Variants in ROBO2 observed in about 807,000 individuals in gnomAD.
ROBO2 encodes the protein roundabout guidance receptor 2.
In ROBO2, 53 loss-of-function variants were observed where a neutral mutation model predicts 160.8. The ratio of observed to expected loss-of-function variants is 0.33; its 90% CI spans 0.26 to 0.41. ROBO2 has a LOEUF of 0.41. Among genes scored for constraint, ROBO2 ranks in the 10% least tolerant of loss-of-function variants. ROBO2 has a pLI of 1.00. For synonymous variants in ROBO2, 664 were observed against 611.7 expected (o/e 1.09, Z -1.26); for missense variants, 1,577 against 1,722.4 (o/e 0.92, Z 1.49).
intron 2 of ROBO2, among the ~76,000 whole-genome samples, chr3:76,950,153 T>C (rs2078871155): frequency 6.6e-6 from 1 of 152,156 alleles, no homozygotes; most frequent in African/African-American, 2.4e-5. Flanking sequence ...TGATAGGTGG[T>C]CTCTTTAAAA....
chr3:76,387,601 C>T (rs2076954706), intron 2 of ROBO2, among the ~76,000 whole-genome samples: 1 of 152,054 alleles, frequency 6.6e-6, no homozygotes, highest in South Asian at 2.1e-4. Flanking sequence ...ATGAATTTTT[C>T]AAGTCTGCAA....
intron 2 of ROBO2, among the ~76,000 whole-genome samples, chr3:77,130,074 A>G: frequency 6.6e-6 from 1 of 152,040 alleles, no homozygotes; most frequent in East Asian, 1.9e-4. Flanking sequence ...TATCTTTCCA[A>G]TTTGCTTCAA....
intron 2 of ROBO2, among the ~76,000 whole-genome samples, chr3:76,984,825 T>A (rs1271946495): frequency 6.6e-6 from 1 of 151,940 alleles, no homozygotes; most frequent in Non-Finnish European, 1.5e-5. Context: ...TTTATACCAC[T>A]ATAATGCATT....
intron 2 of ROBO2, among the ~76,000 whole-genome samples, chr3:76,539,033 C>A (rs58277190): frequency 6.6e-6 from 1 of 152,056 alleles, no homozygotes; most frequent in Non-Finnish European, 1.5e-5. Context: ...AATGAGTTCA[C>A]GTCCTTTGCA....
At chr3:76,345,491 C>T (rs1356426088) in intron 2 of ROBO2, among the ~76,000 whole-genome samples, 4 of 140,818 alleles carry the variant, frequency 2.8e-5, no homozygotes, top group African/African-American at 7.9e-5. Context: ...AACAAGAAAA[C>T]TATTATTCCT....
intron 2 of ROBO2, among the ~76,000 whole-genome samples, chr3:77,173,687 T>C (rs2079856739): frequency 6.6e-6 from 1 of 152,160 alleles, no homozygotes; most frequent in Non-Finnish European, 1.5e-5. Flanking sequence ...ATTATTCATA[T>C]TTTAAAATTC....
At position 76,879,625 on chromosome 3, in the gene ROBO2, A is replaced by G. The variant is rs113747969; in HGVS notation, c.110-218389A>G. On this transcript the variant is annotated intron_variant, in intron 2 of 26. Coordinates refer to the ROBO2 transcript ENST00000487694. ...CAGAAGATCAAAGCAAACAAACACA[A>G]TCAAGAAGCTAGGGATACAGTAATA... Among the ~76,000 whole-genome samples, 832 of 152,246 alleles carry G rather than the reference A, an allele frequency of 5.5e-3. 6 individuals carry two copies. The highest frequency in any genetic ancestry group is 0.019 in the African/African-American group (803 of 41,556).
intron 2 of ROBO2, among the ~76,000 whole-genome samples, chr3:77,122,883 T>A (rs930746012): frequency 2.0e-5 from 3 of 152,296 alleles, no homozygotes; most frequent in South Asian, 2.1e-4. Flanking sequence ...ACTAATGGTG[T>A]TTGAGTCAAC....
In ROBO2 at chr3:77,586,329, G is replaced by C. The variant is rs545577087; in HGVS notation, c.2501-2422G>C. ...ATAGTTATTGCTTCTCTAATCATTT[G>C]GCTTTTCACGCTTACATTACATAGT... On this transcript the variant is annotated intron_variant, in intron 16 of 25. Coordinates refer to ENST00000461745, the Ensembl canonical transcript of ROBO2. 5.9e-5 allele frequency among the ~76,000 whole-genome samples: 9 copies of C among 152,096 alleles called. 1 individual carries two copies. The South Asian group carries it at 1.9e-3, about 31-fold the overall frequency.
At chr3:77,083,948 A>G (rs2068971827) in intron 1 of ROBO2, among the ~76,000 whole-genome samples, 1 of 152,028 alleles carries the variant, frequency 6.6e-6, no homozygotes, top group South Asian at 2.1e-4. Flanking sequence ...TGTCATAGAG[A>G]TAATACCTGA....
At chr3:76,759,383 G>A (rs887437437) in intron 2 of ROBO2, among the ~76,000 whole-genome samples, 3 of 151,730 alleles carry the variant, frequency 2.0e-5, no homozygotes, top group Non-Finnish European at 4.4e-5. Flanking sequence ...AACAATTTCA[G>A]TGTGTTCTTC....
intron 2 of ROBO2, among the ~76,000 whole-genome samples, chr3:76,245,728 A>C (rs1432390479): frequency 6.6e-6 from 1 of 152,118 alleles, no homozygotes; most frequent in Non-Finnish European, 1.5e-5. Context: ...ATCTATAATA[A>C]ATTTTCTGAA....
chr3:77,225,501 C>T lies in ROBO2; in HGVS notation c.388+127161C>T, dbSNP rs769098335. On this transcript the variant is annotated intron_variant, in intron 2 of 25. Transcript: ENST00000461745. The stretch of plus-strand genomic sequence containing the variant: ...GTGAAGTCTTGTTATTTTTTTTTCT[C>T]CCTGTTCTTCAAAGTACAATTTCTT... 2.6e-5 allele frequency among the ~76,000 whole-genome samples: 4 copies of T among 151,350 alleles called. No homozygotes were observed. In the East Asian group the frequency reaches 5.8e-4, roughly 22 times the overall value.
intron 2 of ROBO2, among the ~76,000 whole-genome samples, chr3:76,090,616 G>A (rs1196258522): frequency 6.6e-6 from 1 of 152,108 alleles, no homozygotes; most frequent in Non-Finnish European, 1.5e-5. Flanking sequence ...ATACAGACAA[G>A]CAAAAGAATC....
At chr3:77,624,512 T>C (rs2094965397) in intron 23 of ROBO2, among the ~76,000 whole-genome samples, 1 of 152,162 alleles carries the variant, frequency 6.6e-6, no homozygotes, top group Admixed American at 6.5e-5. Context: ...ATATAGAGAC[T>C]GAATATTAGA....
intron 2 of ROBO2, among the ~76,000 whole-genome samples, chr3:76,735,263 A>G (rs2093690477): frequency 6.6e-6 from 1 of 152,214 alleles, no homozygotes; most frequent in Admixed American, 6.5e-5. Context: ...GCCAAACAAA[A>G]GAATGAAATC....
chr3:76,963,463 A>T (rs960938190), intron 2 of ROBO2, among the ~76,000 whole-genome samples: 16 of 152,182 alleles, frequency 1.1e-4, no homozygotes, highest in African/African-American at 2.4e-4. Flanking sequence ...CCATGATTTT[A>T]TAGAGTGATT....
chr3:76,539,240 T>C (rs1053953972), intron 2 of ROBO2, among the ~76,000 whole-genome samples: 1 of 151,944 alleles, frequency 6.6e-6, no homozygotes, highest in Non-Finnish European at 1.5e-5. Context: ...AAATATGTAA[T>C]GCATGTGGCT....
At chr3:76,068,134 C>A (rs947114248) in intron 2 of ROBO2, among the ~76,000 whole-genome samples, 2 of 152,124 alleles carry the variant, frequency 1.3e-5, no homozygotes, top group Admixed American at 1.3e-4. Flanking sequence ...ACAGAGAAGA[C>A]AAGCCATGCA....
Sources: allele counts gnomAD v4.1 joint callset (sites outside exome capture counted in the v4.1 genomes callset), GRCh38; gene constraint gnomAD v4.1.1; transcripts MANE v1.5; gene names NCBI Gene and HGNC (gene_info 2026-07-23, HGNC 2026-07-21).